The following AAK1 variants were observed in gnomAD, a reference collection of about 807,000 sequenced individuals.
AAK1 encodes AP2-associated protein kinase 1.
A neutral mutation model predicts 116.0 loss-of-function variants in AAK1; 37 were observed. The observed-to-expected ratio is 0.32, with a 90% CI of 0.25 to 0.42. The LOEUF is 0.42. Among genes scored for constraint, AAK1 ranks in the 10% least tolerant of loss-of-function variants. The pLI, the probability that AAK1 is intolerant of heterozygous loss-of-function variation, is 1.00. For synonymous variants in AAK1, 458 were observed against 439.9 expected (o/e 1.04, Z -0.51); for missense variants, 919 against 1,170.6 (o/e 0.79, Z 3.14).
rs569715178 is a variant in AAK1 at position 69,485,645 on chromosome 2, T to C, written c.2366-2833A>G. 1.6e-4 allele frequency among the ~76,000 whole-genome samples: 25 copies of C among 152,010 alleles called. No homozygotes were observed. The East Asian group carries it at 4.6e-3, about 28-fold the overall frequency. On this transcript the variant is annotated intron_variant, in intron 17 of 21. Transcript: ENST00000409085. ...CTGGGGAGGTGGAAAGAACAGGAATTGAAGAAAATCTCTCTTTTTTTTTTT... is the reference window on the plus strand; with the variant it reads ...CTGGGGAGGTGGAAAGAACAGGAATCGAAGAAAATCTCTCTTTTTTTTTTT...
chr2:69,544,302 T>A (rs1670838271), intron 4 of AAK1, 134 bp downstream of exon 4: 3 of 647,096 alleles, frequency 4.6e-6, no homozygotes, highest in African/African-American at 1.8e-5. Flanking sequence ...GCAGACTGTA[T>A]CTTTTAGTTT....
rs34246039 is a variant in AAK1 at position 69,472,795 on chromosome 2, ATCT to A, written c.*3071_*3073del. On this transcript the variant is annotated 3_prime_UTR_variant, in exon 22 of 22. Coordinates refer to ENST00000409085, the MANE Select transcript of AAK1 (RefSeq NM_014911.5). ...TGCCTGATTATACATTTAAAAAGAA[ATCT>A]TCTGATACCATTTTATTAGAATAGG... 162,370 of 985,156 alleles carry A rather than the reference ATCT, an allele frequency of 0.16. 13,897 individuals carry two copies. Among genetic ancestry groups the A allele is most frequent in the Non-Finnish European group, 0.18 (145,326 of 829,620 alleles). The allele number at this position is 985,156 out of a possible 1,614,324, so 61.0% of individuals were successfully genotyped here. A position where few individuals can be genotyped will look rare whatever the true frequency, so the allele number is the denominator to read the frequency against.
At chr2:69,562,310 A>C (rs1671675947) in intron 2 of AAK1, among the ~76,000 whole-genome samples, 1 of 152,140 alleles carries the variant, frequency 6.6e-6, no homozygotes, top group Non-Finnish European at 1.5e-5. Context: ...TTTAATTTGC[A>C]CTTCCCTATA....
chr2:69,642,094 A>C (rs1035217579), intron 2 of AAK1, among the ~76,000 whole-genome samples: 6 of 152,218 alleles, frequency 3.9e-5, no homozygotes, highest in Non-Finnish European at 5.9e-5. Flanking sequence ...TATCTACGTG[A>C]GTATAGACAC....
intron 2 of AAK1, among the ~76,000 whole-genome samples, chr2:69,605,061 G>C (rs1673740011): frequency 6.6e-6 from 1 of 152,008 alleles, no homozygotes; most frequent in African/African-American, 2.4e-5. Flanking sequence ...GTCTCACCCG[G>C]GCTTTTACAG....
chr2:69,568,863 A>G (rs1671983532), intron 2 of AAK1, among the ~76,000 whole-genome samples: 1 of 152,176 alleles, frequency 6.6e-6, no homozygotes, highest in African/African-American at 2.4e-5. Context: ...ATCTGACCAC[A>G]CAACTGTCAT....
At chr2:69,528,464 G>A (rs1331307174) in intron 8 of AAK1, among the ~76,000 whole-genome samples, 3 of 152,228 alleles carry the variant, frequency 2.0e-5, no homozygotes, top group Non-Finnish European at 4.4e-5. Context: ...TATGGTGACA[G>A]TGATGTTCAT....
chr2:69,633,456 C>T (rs1316753367), intron 2 of AAK1, among the ~76,000 whole-genome samples: 1 of 151,744 alleles, frequency 6.6e-6, no homozygotes, highest in Non-Finnish European at 1.5e-5. Context: ...CAAAAATTAG[C>T]TGGGCATGGT....
intron 17 of AAK1, among the ~76,000 whole-genome samples, chr2:69,485,678 G>T (rs1211969245): frequency 6.7e-6 from 1 of 150,002 alleles, no homozygotes; most frequent in African/African-American, 2.5e-5. Flanking sequence ...TTTTTTCTGA[G>T]ATGGGAGTTT....
At chr2:69,596,322 G>A (rs1572991525) in intron 2 of AAK1, among the ~76,000 whole-genome samples, 3 of 151,252 alleles carry the variant, frequency 2.0e-5, no homozygotes, top group Middle Eastern at 3.5e-3. Flanking sequence ...CCAGGTTCAA[G>A]CAATTCTCCC....
rs1039128081 is a variant in AAK1, at chr2:69,462,954, T to C, written c.*12915A>G. ...GAAGGACATAGGTTTCTGGCACAGTTGAAACCTTAGTTGGAAAACCAAACC... is the reference window on the plus strand; with the variant it reads ...GAAGGACATAGGTTTCTGGCACAGTCGAAACCTTAGTTGGAAAACCAAACC... On this transcript the variant is annotated 3_prime_UTR_variant, in exon 22 of 22. Transcript: ENST00000409085. 10 of 152,254 alleles carry C rather than the reference T, an allele frequency of 6.6e-5. No individual in the cohort carries two copies. Among genetic ancestry groups the C allele is most frequent in the Non-Finnish European group, 1.2e-4 (8 of 68,036 alleles). 9.4% of individuals were successfully genotyped at this position (152,254 alleles called of 1,614,324 possible).
chr2:69,472,395 T>G lies in AAK1; in HGVS notation c.*3474A>C, dbSNP rs747018185. ...CTGATTTTCTTATACCTTATTACCT[T>G]CCTTGATATTATTTCTAAGGAGAGG... On this transcript the variant is annotated 3_prime_UTR_variant, in exon 22 of 22. Transcript: ENST00000409085. 1.1e-4 allele frequency: 26 copies of G among 231,892 alleles called. No homozygotes were observed. The highest frequency in any genetic ancestry group is 1.5e-4 in the Non-Finnish European group (21 of 141,094). 14.4% of individuals were successfully genotyped at this position (231,892 alleles called of 1,614,324 possible).
At chr2:69,529,861 C>G (rs1415200214) in intron 8 of AAK1, 147 bp downstream of exon 8, 1 of 789,530 alleles carries the variant, frequency 1.3e-6, no homozygotes, top group Non-Finnish European at 1.9e-6. Context: ...TAGACAGTTA[C>G]ATTGTCTTTG....
chr2:69,614,823 G>C (rs1674250919), intron 2 of AAK1, among the ~76,000 whole-genome samples: 1 of 152,102 alleles, frequency 6.6e-6, no homozygotes, highest in South Asian at 2.1e-4. Flanking sequence ...AAGAGGAGAA[G>C]GTCATGCAAA....
Position 69,475,596 on chromosome 2 carries a change from T to C in AAK1, c.*273A>G, listed in dbSNP as rs1674825497. The C allele has an allele frequency of 1.7e-6, 2 of 1,187,826 alleles. No individual in the cohort carries two copies. Among genetic ancestry groups the C allele is most frequent in the Non-Finnish European group, 1.0e-6 (1 of 954,528 alleles). 73.6% of individuals were successfully genotyped at this position (1,187,826 alleles called of 1,614,324 possible). On this transcript the variant is annotated 3_prime_UTR_variant, in exon 22 of 22. Transcript: ENST00000409085. The stretch of plus-strand genomic sequence containing the variant: ...TCCAGCAGAGGTGAAGCTCATGGCA[T>C]CTAGTGCTTGATTTAAGATAATGCT...
intron 2 of AAK1, among the ~76,000 whole-genome samples, chr2:69,633,399 G>C (rs1480086809): frequency 6.6e-6 from 1 of 151,494 alleles, no homozygotes; most frequent in Non-Finnish European, 1.5e-5. Context: ...TCAGGAGATC[G>C]AGACCATCCT....
rs551254029 is a variant in AAK1 at position 69,495,982 on chromosome 2, T to C, written c.2365+3A>G. On this transcript the variant is annotated splice_donor_region_variant and intron_variant, in intron 17 of 21. Transcript: ENST00000409085. ...TAACCTCAGAACAGTTCTGTTCACC[T>C]ACCTGGTGCATCAGGTACTTGAAGA... The C allele has an allele frequency of 1.1e-5, 17 of 1,552,218 alleles. 1 individual carries two copies. The Middle Eastern group carries it at 5.0e-4, about 46-fold the overall frequency.
intron 16 of AAK1, among the ~76,000 whole-genome samples, chr2:69,504,050 A>T (rs1427201986): frequency 2.6e-5 from 4 of 151,654 alleles, no homozygotes; most frequent in African/African-American, 7.3e-5. Flanking sequence ...GATGTAGGAG[A>T]TATGTGCCAG....
At chr2:69,551,292 G>C (rs1192930626) in intron 3 of AAK1, among the ~76,000 whole-genome samples, 1 of 152,066 alleles carries the variant, frequency 6.6e-6, no homozygotes, top group African/African-American at 2.4e-5. Context: ...TGGATGCTGG[G>C]CTTAATACCT....
Sources: allele counts gnomAD v4.1 joint callset (sites outside exome capture counted in the v4.1 genomes callset), GRCh38; gene constraint gnomAD v4.1.1; transcripts MANE v1.5; gene names NCBI Gene and HGNC (gene_info 2026-07-23, HGNC 2026-07-21).